The following ANO2 variants were observed in gnomAD, a reference collection of about 807,000 sequenced individuals.
ANO2 encodes anoctamin 2, also known as anoctamin-2.
A neutral mutation model predicts 124.2 loss-of-function variants in ANO2; 101 were observed. The observed-to-expected ratio is 0.81, with a 90% CI of 0.69 to 0.96. The LOEUF is 0.96. Ranked by LOEUF, ANO2 falls within the 40% of genes least tolerant of loss-of-function variation. ANO2 has a pLI of 0.00. For missense variants in ANO2, 1,293 were observed against 1,274.5 expected (o/e 1.01, Z -0.22); for synonymous variants, 486 against 482.5 (o/e 1.01, Z -0.09).
At chr12:5,645,240 A>T (rs973995616) in intron 15 of ANO2, among the ~76,000 whole-genome samples, 1 of 152,190 alleles carries the variant, frequency 6.6e-6, no homozygotes, top group Non-Finnish European at 1.5e-5. Flanking sequence ...TGCAGTTTAC[A>T]AATTCTCTCT....
At chr12:5,827,459 A>T (rs944806246) in intron 7 of ANO2, among the ~76,000 whole-genome samples, 4 of 152,194 alleles carry the variant, frequency 2.6e-5, no homozygotes, top group African/African-American at 7.2e-5. Context: ...TGAAAAACAG[A>T]GGAGCCGCAG....
chr12:5,676,770 C>G (rs1279301846), intron 14 of ANO2, among the ~76,000 whole-genome samples: 4 of 152,112 alleles, frequency 2.6e-5, no homozygotes, highest in Non-Finnish European at 5.9e-5. Context: ...AAGAAGGAAA[C>G]AGGCTGGGCC....
At chr12:5,801,520 C>T (rs543885175) in intron 9 of ANO2, among the ~76,000 whole-genome samples, 14 of 152,314 alleles carry the variant, frequency 9.2e-5, no homozygotes, top group Non-Finnish European at 1.6e-4. Flanking sequence ...ATCAGCCCTA[C>T]AGAGAGCCAT....
At chr12:5,705,693 C>A in intron 14 of ANO2, among the ~76,000 whole-genome samples, 1 of 152,360 alleles carries the variant, frequency 6.6e-6, no homozygotes, top group African/African-American at 2.4e-5. Context: ...CCTAACTAGA[C>A]ATTAATGGAG....
intron 10 of ANO2, among the ~76,000 whole-genome samples, chr12:5,792,806 A>G (rs1952735139): frequency 6.6e-6 from 1 of 152,172 alleles, no homozygotes; most frequent in African/African-American, 2.4e-5. Flanking sequence ...GCAAGCATGG[A>G]GATTCCACTT....
At chr12:5,910,591 A>G (rs1032493209) in intron 3 of ANO2, among the ~76,000 whole-genome samples, 5 of 152,216 alleles carry the variant, frequency 3.3e-5, no homozygotes, top group African/African-American at 1.2e-4. Flanking sequence ...TGATGAAAAT[A>G]AAGATGTAAT....
chr12:5,694,944 T>C (rs542418557), intron 14 of ANO2, among the ~76,000 whole-genome samples: 51 of 152,134 alleles, frequency 3.4e-4, no homozygotes, highest in African/African-American at 9.4e-4. Flanking sequence ...TAACTAACTC[T>C]GTCAAGACCT....
At chr12:5,578,689 T>C (rs1479020434) in intron 20 of ANO2, among the ~76,000 whole-genome samples, 171 bp from the exon 21 acceptor site, 1 of 152,210 alleles carries the variant, frequency 6.6e-6, no homozygotes, top group Non-Finnish European at 1.5e-5. Flanking sequence ...TCTTTCTAAG[T>C]ACCTGCAGGC....
chr12:5,567,466 G>C (rs1392847587), intron 23 of ANO2, among the ~76,000 whole-genome samples: 1 of 152,162 alleles, frequency 6.6e-6, no homozygotes, highest in Non-Finnish European at 1.5e-5. Flanking sequence ...CTCCAGAGAA[G>C]GGTGCCACAC....
intron 1 of ANO2, among the ~76,000 whole-genome samples, chr12:5,929,209 C>T (rs1291195690): frequency 7.3e-6 from 1 of 136,540 alleles, no homozygotes; most frequent in Non-Finnish European, 1.5e-5. Flanking sequence ...CACTCGTCTA[C>T]CTTCTTTCCT....
chr12:5,607,063 T>TAA (rs60199743), intron 19 of ANO2, among the ~76,000 whole-genome samples: 2 of 145,416 alleles, frequency 1.4e-5, no homozygotes, highest in Non-Finnish European at 3.0e-5. Context: ...TGCCTCTATT[T>TAA]AAAAAAAAAA....
intron 20 of ANO2, among the ~76,000 whole-genome samples, chr12:5,581,361 G>A (rs1269715325): frequency 1.3e-5 from 2 of 152,136 alleles, no homozygotes; most frequent in African/African-American, 4.8e-5. Flanking sequence ...GAGGGAGAAG[G>A]GCAGTTTACT....
At chr12:5,830,347 G>T in intron 6 of ANO2, 88 bp downstream of exon 6, 1 of 1,344,168 alleles carries the variant, frequency 7.4e-7, no homozygotes, top group Non-Finnish European at 1.0e-6. Context: ...GGTGTGAGGT[G>T]GCAGGGAGGG....
At chr12:5,600,208 G>A (rs935269074) in intron 19 of ANO2, among the ~76,000 whole-genome samples, 1 of 135,816 alleles carries the variant, frequency 7.4e-6, no homozygotes, top group Non-Finnish European at 1.6e-5. Context: ...TCAAAAAGGT[G>A]GGGTCCTAAT....
rs534384701 is a variant in ANO2, at chr12:5,812,588, A to T, written c.893-5220T>A. ...GAAAAAGAAAAAAAGAAAGAGAAAGAAAGAGGAAGAAGAAAAAGGAAGGAA... is the reference window on the plus strand; with the variant it reads ...GAAAAAGAAAAAAAGAAAGAGAAAGTAAGAGGAAGAAGAAAAAGGAAGGAA... On this transcript the variant is annotated intron_variant, in intron 7 of 24. Transcript: ENST00000682330. Among the ~76,000 whole-genome samples, 8 of 19,106 alleles carry T rather than the reference A, an allele frequency of 4.2e-4. 1 individual carries two copies. In the East Asian group the frequency reaches 8.9e-3, roughly 21 times the overall value. 12.5% of individuals were successfully genotyped at this position (19,106 alleles called of 152,430 possible). A position where few individuals can be genotyped will look rare whatever the true frequency, so the allele number is the denominator to read the frequency against.
intron 20 of ANO2, chr12:5,584,228 G>C (rs1482239160): frequency 6.5e-6 from 1 of 152,866 alleles, no homozygotes; most frequent in African/African-American, 2.5e-5. Flanking sequence ...CAGTGACCAT[G>C]TGAGGGCTGG....
chr12:5,792,553 C>T (rs979985354), intron 10 of ANO2, among the ~76,000 whole-genome samples: 3 of 152,098 alleles, frequency 2.0e-5, no homozygotes, highest in East Asian at 1.9e-4. Context: ...TCTGAGAATT[C>T]GAGGGGTCTG....
chr12:5,922,536 G>T lies in ANO2; in HGVS notation c.207+84C>A, dbSNP rs1941754869. 3 of 1,401,190 alleles carry T rather than the reference G, an allele frequency of 2.1e-6. No individual in the cohort carries two copies. The Admixed American group carries it at 7.8e-5, about 36-fold the overall frequency. 86.8% of individuals were successfully genotyped at this position (1,401,190 alleles called of 1,614,324 possible). On this transcript the variant is annotated intron_variant, in intron 2 of 24. Coordinates refer to ENST00000682330, the MANE Select transcript of ANO2 (RefSeq NM_001364791.2). Reference sequence around the variant, plus strand: ...TTCACGCACACATGTGCTCCCAACTGGAGGATCCCCCAGACCAGAGGCTCC... The same window carrying T: ...TTCACGCACACATGTGCTCCCAACTTGAGGATCCCCCAGACCAGAGGCTCC...
At chr12:5,885,022 T>C (rs1938785336) in intron 3 of ANO2, among the ~76,000 whole-genome samples, 1 of 152,202 alleles carries the variant, frequency 6.6e-6, no homozygotes, top group African/African-American at 2.4e-5. Context: ...TTCATCTCCC[T>C]GTGGTCCAGC....
Sources: gnomAD v4.1 joint callset for allele counts (sites outside exome capture counted in the v4.1 genomes callset) on GRCh38, gnomAD v4.1.1 for gene constraint, MANE v1.5 for transcripts, NCBI Gene and HGNC (gene_info 2026-07-23, HGNC 2026-07-21) for gene names.